The following EPHA6 variants were observed in gnomAD, a reference collection of about 807,000 sequenced individuals.
EPHA6 encodes the protein ephrin type-A receptor 6.
EPHA6 carries 50 observed loss-of-function variants against 112.0 expected under a neutral mutation model. The observed-to-expected ratio is 0.45, with a 90% CI of 0.36 to 0.56. EPHA6 has a LOEUF of 0.56. Among genes scored for constraint, EPHA6 ranks in the 20% least tolerant of loss-of-function variants. The probability of loss-of-function intolerance (pLI) is 0.00; values close to 1 mark genes in which losing one functional copy is unlikely to be tolerated. For missense variants in EPHA6, 1,280 were observed against 1,417.4 expected (o/e 0.90, Z 1.56); for synonymous variants, 529 against 490.7 (o/e 1.08, Z -1.03).
intron 1 of EPHA6, among the ~76,000 whole-genome samples, chr3:96,821,471 T>C (rs2033249829): frequency 6.6e-6 from 1 of 151,834 alleles, no homozygotes; most frequent in African/African-American, 2.4e-5. Context: ...ACAGTTTCAG[T>C]TTTCAATTAT....
chr3:97,232,899 A>C (rs2078570289), intron 4 of EPHA6, among the ~76,000 whole-genome samples: 1 of 152,126 alleles, frequency 6.6e-6, no homozygotes, highest in African/African-American at 2.4e-5. Context: ...CAGTATGTTT[A>C]CTGAAGTTAT....
In EPHA6 at chr3:97,759,803, T is replaced by C. The variant is rs1057286577; in HGVS notation, c.*11102T>C. ...GAGACATATGTAAGTAGTTGGATAG[T>C]AGGAAAGTGAATATATATTTGATGA... On this transcript the variant is annotated 3_prime_UTR_variant, in exon 18 of 18. Transcript: ENST00000389672. 9.0e-6 allele frequency: 2 copies of C among 221,654 alleles called. No individual in the cohort carries two copies. Among genetic ancestry groups the C allele is most frequent in the Non-Finnish European group, 1.8e-5 (2 of 110,712 alleles). The allele number at this position is 221,654 out of a possible 1,614,324, so 13.7% of individuals were successfully genotyped here. A position where few individuals can be genotyped will look rare whatever the true frequency, so the allele number is the denominator to read the frequency against.
At chr3:96,930,776 A>G (rs189235573) in intron 2 of EPHA6, among the ~76,000 whole-genome samples, 1 of 151,964 alleles carries the variant, frequency 6.6e-6, no homozygotes, top group East Asian at 1.9e-4. Context: ...CAGATCACCT[A>G]AGGTCAGGCA....
intron 3 of EPHA6, among the ~76,000 whole-genome samples, chr3:97,174,471 C>G (rs2076781083): frequency 1.3e-5 from 2 of 152,000 alleles, no homozygotes; most frequent in South Asian, 2.1e-4. Flanking sequence ...TGAGGACCCT[C>G]TAAACTGTTC....
chr3:97,203,388 G>A (rs1371326653), intron 3 of EPHA6, among the ~76,000 whole-genome samples: 1 of 152,050 alleles, frequency 6.6e-6, no homozygotes, highest in Non-Finnish European at 1.5e-5. Flanking sequence ...GCCTGCTTGA[G>A]GCAATTAGGA....
Position 96,987,760 on chromosome 3 carries a change from T to C in EPHA6, c.881T>C (p.Val294Ala), listed in dbSNP as rs761826191. ...GGGGCGTGCATTGCCCTGGTTTCAG[T>C]CCGTGTTTTCTACAAGAAATGCCCC... Reference protein sequence around the residue: ...DIGACIALVSVRVFYKKCPFT... With the variant: ...DIGACIALVSARVFYKKCPFT... The change falls in exon 3 of 18, where the codon GTC becomes GCC. Residue 294 changes from valine to alanine, a missense_variant. By Grantham distance (64) the Val-to-Ala change is moderately conservative. This residue lies in a region of EPHA6 where 878 missense variants were observed against 999.7 expected (regional missense o/e 0.88). Transcript: ENST00000389672. 6.2e-7 allele frequency: 1 copy of C among 1,613,848 alleles called. No homozygotes were observed. Among genetic ancestry groups the C allele is most frequent in the Non-Finnish European group, 8.5e-7 (1 of 1,179,846 alleles).
At chr3:96,846,096 A>T (rs2035058493) in intron 1 of EPHA6, among the ~76,000 whole-genome samples, 1 of 152,082 alleles carries the variant, frequency 6.6e-6, no homozygotes, top group Non-Finnish European at 1.5e-5. Flanking sequence ...TAAACACAAA[A>T]ATAAAACGAG....
intron 14 of EPHA6, among the ~76,000 whole-genome samples, chr3:97,714,504 T>C (rs1375302533): frequency 6.6e-6 from 1 of 152,214 alleles, no homozygotes. Flanking sequence ...CATGCCTCTC[T>C]GAAAGAGGCT....
chr3:97,541,567 C>T (rs1444543725), intron 11 of EPHA6, among the ~76,000 whole-genome samples: 2 of 152,016 alleles, frequency 1.3e-5, no homozygotes, highest in African/African-American at 4.8e-5. Context: ...GTCCAGGATC[C>T]CACACTGCAT....
At chr3:97,166,670 C>T (rs1202146973) in intron 3 of EPHA6, among the ~76,000 whole-genome samples, 1 of 152,120 alleles carries the variant, frequency 6.6e-6, no homozygotes, top group Non-Finnish European at 1.5e-5. Context: ...GCCCCACATT[C>T]CTCAGGATGG....
At chr3:97,728,981 A>G (rs1265565579) in intron 15 of EPHA6, among the ~76,000 whole-genome samples, 2 of 152,140 alleles carry the variant, frequency 1.3e-5, no homozygotes, top group African/African-American at 4.8e-5. Flanking sequence ...TCTATTTTAT[A>G]TAGGTCCTTG....
chr3:97,616,614 A>G (rs1054551830), intron 13 of EPHA6, among the ~76,000 whole-genome samples: 3 of 152,192 alleles, frequency 2.0e-5, no homozygotes, highest in Admixed American at 6.6e-5. Context: ...AAAAAACACA[A>G]TAAAAGAATT....
intron 3 of EPHA6, among the ~76,000 whole-genome samples, chr3:97,034,052 C>T (rs1039079638): frequency 5.3e-5 from 8 of 151,902 alleles, no homozygotes; most frequent in African/African-American, 1.9e-4. Context: ...ATCTGCCCAT[C>T]TGTGTCACAT....
intron 5 of EPHA6, among the ~76,000 whole-genome samples, chr3:97,319,691 A>AC (rs1417711322): frequency 1.3e-5 from 2 of 151,192 alleles, no homozygotes; most frequent in African/African-American, 4.9e-5. Flanking sequence ...CAAAAAACAA[A>AC]AAAAAAACAA....
intron 1 of EPHA6, among the ~76,000 whole-genome samples, chr3:96,850,418 AG>A (rs2035313649): frequency 1.3e-5 from 2 of 152,140 alleles, no homozygotes; most frequent in South Asian, 4.1e-4. Context: ...GCCTTTAGAA[AG>A]GGTACTGTCT....
At chr3:96,822,811 G>T (rs958707492) in intron 1 of EPHA6, among the ~76,000 whole-genome samples, 14 of 151,030 alleles carry the variant, frequency 9.3e-5, no homozygotes. Flanking sequence ...AGCTACATGA[G>T]TGTTGCAAAG....
intron 13 of EPHA6, among the ~76,000 whole-genome samples, chr3:97,627,713 A>G (rs2093870225): frequency 6.6e-6 from 1 of 151,906 alleles, no homozygotes; most frequent in Non-Finnish European, 1.5e-5. Context: ...ATTATGTAAG[A>G]AGAATAGTAA....
chr3:97,110,790 A>G (rs565026498), intron 3 of EPHA6, among the ~76,000 whole-genome samples: 1 of 152,088 alleles, frequency 6.6e-6, no homozygotes, highest in African/African-American at 2.4e-5. Context: ...TGGTCTCCCA[A>G]ATTGCTGGGG....
intron 3 of EPHA6, among the ~76,000 whole-genome samples, chr3:97,036,847 T>TC (rs950302150): frequency 6.6e-6 from 1 of 151,980 alleles, no homozygotes; most frequent in African/African-American, 2.4e-5. Flanking sequence ...ATTGTACCCA[T>TC]CCCTCAGTGC....
Sources: allele counts gnomAD v4.1 joint callset (sites outside exome capture counted in the v4.1 genomes callset), GRCh38; gene constraint gnomAD v4.1.1; regional missense constraint gnomAD v4.1.1; transcripts MANE v1.5; gene names NCBI Gene and HGNC (gene_info 2026-07-23, HGNC 2026-07-21).